FHOD3: variants seen among roughly 807,000 people sequenced by gnomAD.
FHOD3 encodes the protein formin homology 2 domain containing 3.
Under a neutral mutation model 173.0 loss-of-function variants are expected in FHOD3, and 90 were observed. The observed-to-expected ratio is 0.52, with a 90% CI of 0.44 to 0.62. FHOD3 has a LOEUF of 0.62. Ranked by LOEUF, FHOD3 falls within the 20% of genes least tolerant of loss-of-function variation. The pLI, the probability that FHOD3 is intolerant of heterozygous loss-of-function variation, is 0.00. For missense variants in FHOD3, 1,945 were observed against 2,034.7 expected (o/e 0.96, Z 0.85); for synonymous variants, 828 against 823.0 (o/e 1.01, Z -0.10).
chr18:36,337,881 G>C (rs1047612175), intron 1 of FHOD3, among the ~76,000 whole-genome samples: 2 of 152,140 alleles, frequency 1.3e-5, no homozygotes, highest in African/African-American at 4.8e-5. Context: ...GTTTGTTCTG[G>C]AGACAGAATG....
chr18:36,616,892 G>A (rs1462916478), intron 9 of FHOD3, among the ~76,000 whole-genome samples: 2 of 152,194 alleles, frequency 1.3e-5, no homozygotes, highest in South Asian at 2.1e-4. Context: ...TCAGAGAGAG[G>A]TCTGGGACAT....
At chr18:36,572,036 G>T (rs2147901537) in intron 5 of FHOD3, among the ~76,000 whole-genome samples, 1 of 152,304 alleles carries the variant, frequency 6.6e-6, no homozygotes, top group East Asian at 1.9e-4. Context: ...GTGTGCTTCT[G>T]TTCATTGGAG....
In FHOD3 at chr18:36,297,765, C is replaced by T; in HGVS notation, c.-71C>T. The T allele has an allele frequency of 1.5e-6, 2 of 1,346,398 alleles. No homozygotes were observed. The highest frequency in any genetic ancestry group is 6.3e-5 in the Admixed American group (2 of 31,824). 83.4% of individuals were successfully genotyped at this position (1,346,398 alleles called of 1,614,324 possible). On this transcript the variant is annotated 5_prime_UTR_variant, in exon 1 of 29. Coordinates refer to ENST00000590592, the MANE Select transcript of FHOD3 (RefSeq NM_001281740.3). Reference sequence around the variant, plus strand: ...CTGCGGCTGCGGCCTCCCCTGCGCGCAGCTACCCGGGCGTCCCGGCCCGCG... The same window carrying T: ...CTGCGGCTGCGGCCTCCCCTGCGCGTAGCTACCCGGGCGTCCCGGCCCGCG...
chr18:36,549,878 T>A (rs2057572273), intron 5 of FHOD3, among the ~76,000 whole-genome samples: 1 of 151,878 alleles, frequency 6.6e-6, no homozygotes, highest in African/African-American at 2.4e-5. Flanking sequence ...TTTATCTAAC[T>A]TAAGGTCACA....
At position 36,649,308 on chromosome 18, in the gene FHOD3, T is replaced by C. The variant is rs1209975603; in HGVS notation, c.1197-8T>C. 1.3e-6 allele frequency: 2 copies of C among 1,535,358 alleles called. No individual in the cohort carries two copies. Among genetic ancestry groups the C allele is most frequent in the South Asian group, 2.4e-5 (2 of 84,022 alleles). ...GTGTGCATTTCTCTTTTCCTGGCTT[T>C]GTCTCAGGGAGGAGGAGGAGGAAGA... On this transcript the variant is annotated splice_polypyrimidine_tract_variant and splice_region_variant and intron_variant, in intron 10 of 28. Coordinates refer to ENST00000590592, the MANE Select transcript of FHOD3 (RefSeq NM_001281740.3).
chr18:36,431,438 A>C lies in FHOD3; in HGVS notation c.337+58694A>C, dbSNP rs1336973801. Among the ~76,000 whole-genome samples, 4 of 152,340 alleles carry C rather than the reference A, an allele frequency of 2.6e-5. No individual in the cohort carries two copies. The South Asian group carries it at 8.3e-4, about 32-fold the overall frequency. ...CACATGGGTGTGCAAGCCTGTTTCC[A>C]TCGGTCAAGTCTGTCCTGAGGAAGG... is the stretch of plus-strand genomic sequence containing the variant. On this transcript the variant is annotated intron_variant, in intron 3 of 28. Coordinates refer to ENST00000590592, the MANE Select transcript of FHOD3 (RefSeq NM_001281740.3).
intron 5 of FHOD3, among the ~76,000 whole-genome samples, chr18:36,568,591 T>G (rs943223786): frequency 1.3e-5 from 2 of 152,092 alleles, no homozygotes; most frequent in Non-Finnish European, 2.9e-5. Flanking sequence ...GGCCCCAGAC[T>G]GTCGACTTTG....
rs561405659 is a variant in FHOD3 at position 36,310,924 on chromosome 18, G to A, written c.165+12924G>A. On this transcript the variant is annotated intron_variant, in intron 1 of 28. Transcript: ENST00000590592. ...GGAGGGATGTGGCCTGCAGCAGTGG[G>A]CCCGGGGCTAAGCTAATATATGGGG... 4.6e-5 allele frequency among the ~76,000 whole-genome samples: 7 copies of A among 152,246 alleles called. No homozygotes were observed. In the East Asian group the frequency reaches 1.4e-3, roughly 29 times the overall value.
At chr18:36,343,165 A>G (rs1349964916) in intron 1 of FHOD3, among the ~76,000 whole-genome samples, 8 of 152,240 alleles carry the variant, frequency 5.3e-5, no homozygotes, top group Admixed American at 5.2e-4. Context: ...TATACCCAAG[A>G]GAGGTGAAAG....
chr18:36,620,705 G>A (rs2033633452), intron 9 of FHOD3, among the ~76,000 whole-genome samples: 1 of 152,214 alleles, frequency 6.6e-6, no homozygotes, highest in Non-Finnish European at 1.5e-5. Flanking sequence ...CTATTCAGTT[G>A]GAAAGCAGTC....
At position 36,619,915 on chromosome 18, in the gene FHOD3, G is replaced by C. The variant is rs981370052; in HGVS notation, c.958-5596G>C. 2.0e-5 allele frequency among the ~76,000 whole-genome samples: 3 copies of C among 152,194 alleles called. 1 individual carries two copies. In the East Asian group the frequency reaches 5.8e-4, roughly 29 times the overall value. ...AGGAGGTCAGGCATGGCAGGTGTCA[G>C]GGGTTGAAAGGAGGCTGGGTGGCTA... On this transcript the variant is annotated intron_variant, in intron 9 of 28. Coordinates refer to ENST00000590592, the MANE Select transcript of FHOD3 (RefSeq NM_001281740.3).
intron 11 of FHOD3, among the ~76,000 whole-genome samples, chr18:36,651,047 C>A (rs8094695): frequency 2.0e-5 from 3 of 152,136 alleles, no homozygotes; most frequent in African/African-American, 7.2e-5. Context: ...TGTTCTCTGG[C>A]GTAAACTTCT....
chr18:36,366,480 C>T (rs929141060), intron 2 of FHOD3, among the ~76,000 whole-genome samples: 1 of 152,128 alleles, frequency 6.6e-6, no homozygotes, highest in African/African-American at 2.4e-5. Flanking sequence ...ATTCTCACAC[C>T]CTCAGGAGAA....
chr18:36,711,545 G>A (rs1455828924), intron 18 of FHOD3: 2 of 152,134 alleles, frequency 1.3e-5, no homozygotes, highest in Non-Finnish European at 2.9e-5. Flanking sequence ...TCTATTCATC[G>A]TGAGTCCTCA....
At chr18:36,520,499 T>A (rs769919469) in intron 5 of FHOD3, among the ~76,000 whole-genome samples, 5 of 152,194 alleles carry the variant, frequency 3.3e-5, no homozygotes, top group Non-Finnish European at 7.3e-5. Flanking sequence ...TTAATATTAG[T>A]GTCCTAATTT....
intron 5 of FHOD3, among the ~76,000 whole-genome samples, chr18:36,547,939 T>C (rs2057479485): frequency 1.3e-5 from 2 of 152,204 alleles, no homozygotes; most frequent in African/African-American, 4.8e-5. Flanking sequence ...ACGCTTGTAA[T>C]CCTAACACTT....
At chr18:36,504,539 C>T (rs752071399) in intron 4 of FHOD3, among the ~76,000 whole-genome samples, 25 of 129,004 alleles carry the variant, frequency 1.9e-4, no homozygotes, top group Non-Finnish European at 3.6e-4. Context: ...GGGAATTGAA[C>T]AATGAGAACA....
chr18:36,386,315 G>A (rs1568203869), intron 3 of FHOD3, among the ~76,000 whole-genome samples: 1 of 152,162 alleles, frequency 6.6e-6, no homozygotes, highest in Non-Finnish European at 1.5e-5. Flanking sequence ...CATGGGCATG[G>A]GTGCTGGGGT....
At chr18:36,465,393 C>T (rs909000556) in intron 3 of FHOD3, among the ~76,000 whole-genome samples, 1 of 152,172 alleles carries the variant, frequency 6.6e-6, no homozygotes, top group Non-Finnish European at 1.5e-5. Context: ...TCGTGGCTGC[C>T]TCCAGAACCA....
Sources: gnomAD v4.1 joint callset for allele counts (sites outside exome capture counted in the v4.1 genomes callset) on GRCh38, gnomAD v4.1.1 for gene constraint, MANE v1.5 for transcripts, NCBI Gene and HGNC (gene_info 2026-07-23, HGNC 2026-07-21) for gene names.